Variants in ANKRD26 observed in about 807,000 individuals in gnomAD.
The protein encoded by ANKRD26 is ankyrin repeat domain-containing protein 26.
In ANKRD26, 141 loss-of-function variants were observed where a neutral mutation model predicts 208.7. The ratio of observed to expected loss-of-function variants is 0.68; its 90% CI spans 0.59 to 0.78. ANKRD26 has a LOEUF of 0.78. Ranked by LOEUF, ANKRD26 falls within the 30% of genes least tolerant of loss-of-function variation. ANKRD26 has a pLI of 0.00. For synonymous variants in ANKRD26, 636 were observed against 660.4 expected (o/e 0.96, Z 0.57); for missense variants, 1,889 against 1,938.7 (o/e 0.97, Z 0.48).
Position 26,995,102 on chromosome 10 carries a change from G to A in ANKRD26, c.610C>T (p.Gln204Ter), listed in dbSNP as rs891227970. 8.5e-6 allele frequency: 4 copies of A among 471,126 alleles called. No individual in the cohort carries two copies. The highest frequency in any genetic ancestry group is 2.3e-5 in the Admixed American group (1 of 42,586). 29.2% of individuals were successfully genotyped at this position (471,126 alleles called of 1,614,324 possible). The change falls in exon 5 of 6, where the codon CAA (glutamine) becomes TAA (stop). Residue 204 changes from glutamine (Q) to a stop codon, truncating the protein, a stop_gained. Coordinates refer to the ANKRD26 transcript ENST00000445828. LOFTEE classifies it high-confidence loss of function. ...AGGTCTGTCCTGGAAGTGAGACATTGGTCAGTCATCAGAACATAGTCATGA... is the reference window on the plus strand; with the variant it reads ...AGGTCTGTCCTGGAAGTGAGACATTAGTCAGTCATCAGAACATAGTCATGA...
chr10:27,052,402 C>T (rs1170414503), intron 16 of ANKRD26, among the ~76,000 whole-genome samples: 1 of 152,068 alleles, frequency 6.6e-6, no homozygotes, highest in Non-Finnish European at 1.5e-5. Context: ...ATTATAAAGG[C>T]ATCCTCATTT....
In ANKRD26 at chr10:27,014,475, A is replaced by G; in HGVS notation, c.4724+19T>C. 1 of 1,498,874 alleles carries G rather than the reference A, an allele frequency of 6.7e-7. No individual in the cohort carries two copies. The highest frequency in any genetic ancestry group is 9.2e-7 in the Non-Finnish European group (1 of 1,082,924). The allele number at this position is 1,498,874 out of a possible 1,614,324, so 92.8% of individuals were successfully genotyped here. On this transcript the variant is annotated intron_variant, in intron 31 of 33. Coordinates refer to ENST00000376087, the MANE Select transcript of ANKRD26 (RefSeq NM_014915.3). ...TAATGAGCTTAATTTATTTCCTATG[A>G]TTCTATATTTTGACTTACTTGGTTA...
At chr10:27,086,250 A>G (rs2056111533) in intron 5 of ANKRD26, among the ~76,000 whole-genome samples, 1 of 147,628 alleles carries the variant, frequency 6.8e-6, no homozygotes, top group African/African-American at 2.5e-5. Flanking sequence ...CACATAACAT[A>G]CTAACTTAAA....
chr10:27,092,372 G>A, intron 4 of ANKRD26, 34 bp downstream of exon 4: 8 of 1,522,030 alleles, frequency 5.3e-6, no homozygotes, highest in South Asian at 1.1e-5. Flanking sequence ...AAACATACAA[G>A]TTTAAAAATC....
At chr10:27,070,402 A>T (rs1370416889) in intron 9 of ANKRD26, among the ~76,000 whole-genome samples, 5 of 152,198 alleles carry the variant, frequency 3.3e-5, no homozygotes, top group Non-Finnish European at 7.3e-5. Context: ...TCCGTCTCAA[A>T]AAACAAAAGA....
chr10:27,054,658 C>T (rs187696722), intron 15 of ANKRD26, among the ~76,000 whole-genome samples: 226 of 152,120 alleles, frequency 1.5e-3, no homozygotes, highest in South Asian at 3.1e-3. Context: ...GTGAGGTTAG[C>T]CAGACTAAAA....
intron 28 of ANKRD26, among the ~76,000 whole-genome samples, chr10:27,023,664 AG>A (rs752617726): frequency 6.6e-6 from 1 of 152,168 alleles, no homozygotes; most frequent in Non-Finnish European, 1.5e-5. Flanking sequence ...ACAAAGTAAA[AG>A]GGATGCCAAA....
At chr10:27,057,063 C>A (rs1220394811) in intron 15 of ANKRD26, among the ~76,000 whole-genome samples, 1 of 152,192 alleles carries the variant, frequency 6.6e-6, no homozygotes, top group Non-Finnish European at 1.5e-5. Flanking sequence ...AGTCCCAGGT[C>A]TTTGGCAAGT....
At position 27,035,192 on chromosome 10, in the gene ANKRD26, G is replaced by A. The variant is rs1296436809; in HGVS notation, c.3258C>T (p.Ala1086=). The change falls in exon 24 of 34, where the codon GCC becomes GCT. Residue 1086 remains alanine, a synonymous_variant. Transcript: ENST00000376087. ...CTAAACCCAAAGTCTTTTCTCTGAG[G>A]GCATCTCTCGTGTGATGGAACTCAA... ...LEIEFHHTRD[A]LREKTLGLER... 9 of 1,613,798 alleles carry A rather than the reference G, an allele frequency of 5.6e-6. No individual in the cohort carries two copies. The highest frequency in any genetic ancestry group is 3.3e-4 in the Middle Eastern group (2 of 6,084).
chr10:27,014,704 G>C lies in ANKRD26; in HGVS notation c.4514C>G (p.Ala1505Gly), dbSNP rs372044716. ...KEVNLFLQAQ[A>G]ASQENLEQFR... Reference sequence around the variant, plus strand: ...CTGCTCTAAGTTTTCTTGAGATGCTGCTTGTGCCTAAAACAAATTAAAAGC... The same window carrying C: ...CTGCTCTAAGTTTTCTTGAGATGCTCCTTGTGCCTAAAACAAATTAAAAGC... The change falls in exon 31 of 34, where the codon GCA becomes GGA. Residue 1505 changes from alanine (A) to glycine (G), a missense_variant. Physicochemically the swap from Ala to Gly is moderately conservative, Grantham distance 60. Around this residue, in one of 3 missense-constraint regions of ANKRD26, gnomAD observed 613 missense variants for 648.2 expected, o/e 0.95. Transcript: ENST00000376087. The C allele has an allele frequency of 6.2e-7, 1 of 1,611,878 alleles. No homozygotes were observed. The highest frequency in any genetic ancestry group is 1.3e-5 in the African/African-American group (1 of 74,820).
intron 15 of ANKRD26, among the ~76,000 whole-genome samples, chr10:27,059,158 C>T (rs1194145016): frequency 6.6e-6 from 1 of 152,178 alleles, no homozygotes; most frequent in Non-Finnish European, 1.5e-5. Flanking sequence ...TCGTGATCCA[C>T]CTGCTTCAGC....
At chr10:26,999,664 C>T (rs1433353386), downstream of ANKRD26, among the ~76,000 whole-genome samples, 2 of 152,112 alleles carry the variant, frequency 1.3e-5, no homozygotes, top group Non-Finnish European at 2.9e-5. Flanking sequence ...GACACCTTCA[C>T]ATGATTCTCA....
chr10:26,954,987 T>C, the ANKRD26 span, among the ~76,000 whole-genome samples: 4 of 150,356 alleles, frequency 2.7e-5, no homozygotes, highest in Non-Finnish European at 5.9e-5. Context: ...TAAAGTTATT[T>C]ATGTCTCTTG....
At chr10:27,026,568 G>A (rs1028626017) in intron 27 of ANKRD26, among the ~76,000 whole-genome samples, 4 of 152,146 alleles carry the variant, frequency 2.6e-5, no homozygotes, top group African/African-American at 7.2e-5. Context: ...GTGACTTAAA[G>A]AAACTCATTA....
At chr10:27,062,932 T>A (rs1450328632) in intron 12 of ANKRD26, among the ~76,000 whole-genome samples, 2 of 152,108 alleles carry the variant, frequency 1.3e-5, no homozygotes, top group African/African-American at 4.8e-5. Context: ...CATGCCTGGC[T>A]AATGTTTGTA....
At chr10:27,063,567 C>G (rs1320551570) in intron 12 of ANKRD26, among the ~76,000 whole-genome samples, 1 of 152,146 alleles carries the variant, frequency 6.6e-6, no homozygotes, top group Non-Finnish European at 1.5e-5. Context: ...GTGATCTGCC[C>G]GCCTCGGCCT....
rs969362704 is a variant in ANKRD26, at chr10:27,005,075, A to C, written c.*515T>G. ...TTTCCAAAAGGTTAATTAAAAATAA[A>C]TAAACAAACAGAAAAGGTGAATCAG... is the stretch of plus-strand genomic sequence containing the variant. On this transcript the variant is annotated 3_prime_UTR_variant, in exon 34 of 34. Transcript: ENST00000376087. 10 of 984,912 alleles carry C rather than the reference A, an allele frequency of 1.0e-5. No individual in the cohort carries two copies. The highest frequency in any genetic ancestry group is 1.7e-5 in the African/African-American group (1 of 57,226). 61.0% of individuals were successfully genotyped at this position (984,912 alleles called of 1,614,324 possible).
chr10:26,969,373 G>A (rs903450274), downstream of ANKRD26, among the ~76,000 whole-genome samples: 2 of 152,206 alleles, frequency 1.3e-5, no homozygotes, highest in Non-Finnish European at 2.9e-5. Flanking sequence ...GGCAAGGCTG[G>A]AGAGGAGGCA....
At chr10:27,068,353 G>T (rs1228491417) in intron 9 of ANKRD26, among the ~76,000 whole-genome samples, 1 of 152,160 alleles carries the variant, frequency 6.6e-6, no homozygotes. Context: ...ATGATTGTAA[G>T]TTTCCTGAGG....
Sources: gnomAD v4.1 joint callset for allele counts (sites outside exome capture counted in the v4.1 genomes callset) on GRCh38, gnomAD v4.1.1 for gene constraint, gnomAD v4.1.1 regional missense constraint, MANE v1.5 for transcripts, NCBI Gene and HGNC (gene_info 2026-07-23, HGNC 2026-07-21) for gene names.